The following GC variants were observed in gnomAD, a reference collection of about 807,000 sequenced individuals.
GC encodes the protein GC vitamin D binding protein, also known as vitamin D-binding protein.
A neutral mutation model predicts 56.7 loss-of-function variants in GC; 43 were observed. The observed-to-expected ratio is 0.76, with a 90% confidence interval of 0.59 to 0.98. GC has a LOEUF of 0.98. Among genes scored for constraint, GC ranks in the 50% least tolerant of loss-of-function variants. The probability of loss-of-function intolerance (pLI) is 0.00; values close to 1 mark genes in which losing one functional copy is unlikely to be tolerated. For missense variants in GC, 529 were observed against 545.9 expected (o/e 0.97, Z 0.31); for synonymous variants, 216 against 202.7 (o/e 1.07, Z -0.56).
chr4:71,797,611 A>G (rs1286509294), intron 1 of GC, among the ~76,000 whole-genome samples: 1 of 151,970 alleles, frequency 6.6e-6, no homozygotes, highest in East Asian at 1.9e-4. Context: ...AAATTCCCCG[A>G]CCCCTTGCAC....
rs540687112 is a variant in GC, at chr4:71,765,176, C to T, written c.473+256G>A. Among the ~76,000 whole-genome samples the T allele has an allele frequency of 3.3e-5, 5 of 152,198 alleles. No homozygotes were observed. The East Asian group carries it at 7.7e-4, about 23-fold the overall frequency. ...AATATTTGAAAATATATCATGTGGACAGGATACTCAAGTGATTCTGGTTCA... is the reference window on the plus strand; with the variant it reads ...AATATTTGAAAATATATCATGTGGATAGGATACTCAAGTGATTCTGGTTCA... On this transcript the variant is annotated intron_variant, in intron 4 of 12. Coordinates refer to ENST00000273951, the MANE Select transcript of GC (RefSeq NM_000583.4).
rs1270039028 is a variant in GC, at chr4:71,746,009, TCG to T, written c.*25+140_*25+141del. The T allele has an allele frequency of 7.5e-6, 4 of 531,558 alleles. No homozygotes were observed. In the East Asian group the frequency reaches 1.3e-4, roughly 17 times the overall value. 32.9% of individuals were successfully genotyped at this position (531,558 alleles called of 1,614,324 possible). A position where few individuals can be genotyped will look rare whatever the true frequency, so the allele number is the denominator to read the frequency against. The stretch of plus-strand genomic sequence containing the variant: ...ATAAGTGTAAGCTCTTTAACTTTTC[TCG>T]GTGCTTAATATTCTCATCTGTAAAA... On this transcript the variant is annotated intron_variant, in intron 12 of 12. Coordinates refer to ENST00000273951, the MANE Select transcript of GC (RefSeq NM_000583.4).
chr4:71,768,463 T>C, intron 2 of GC, 30 bp from the exon 3 acceptor site: 1 of 1,583,704 alleles, frequency 6.3e-7, no homozygotes, highest in Middle Eastern at 1.7e-4. Flanking sequence ...ATATATCAAT[T>C]AGAACTGAAA....
intron 1 of GC, among the ~76,000 whole-genome samples, chr4:71,782,709 T>C (rs1278746278): frequency 6.6e-6 from 1 of 151,792 alleles, no homozygotes; most frequent in Non-Finnish European, 1.5e-5. Context: ...ATAATTCCAA[T>C]TCCTAGCCAT....
intron 11 of GC, among the ~76,000 whole-genome samples, chr4:71,750,570 C>T (rs927576671): frequency 6.6e-6 from 1 of 152,082 alleles, no homozygotes; most frequent in Non-Finnish European, 1.5e-5. Flanking sequence ...CAGGTAAATT[C>T]TTAAATTATT....
chr4:71,767,139 G>A (rs1277861503), intron 3 of GC, among the ~76,000 whole-genome samples: 1 of 152,138 alleles, frequency 6.6e-6, no homozygotes, highest in Non-Finnish European at 1.5e-5. Flanking sequence ...TGAAAAAATA[G>A]ATAAGGGACA....
At chr4:71,781,690 C>G (rs1742686283) in intron 1 of GC, among the ~76,000 whole-genome samples, 1 of 151,776 alleles carries the variant, frequency 6.6e-6, no homozygotes, top group Non-Finnish European at 1.5e-5. Context: ...GAAGAAGCTA[C>G]TTGTAGGCAA....
intron 1 of GC, among the ~76,000 whole-genome samples, chr4:71,771,432 T>G (rs1324915579): frequency 1.3e-5 from 2 of 152,108 alleles, no homozygotes; most frequent in Non-Finnish European, 2.9e-5. Context: ...GCATGTACTT[T>G]TTTGGATGGA....
chr4:71,763,437 A>G lies in GC; in HGVS notation c.672T>C (p.Ala224=), dbSNP rs200065092. Residue 224 remains alanine (A), a synonymous_variant, in exon 6 of 13, where the codon GCT becomes GCC. Coordinates refer to ENST00000273951, the MANE Select transcript of GC (RefSeq NM_000583.4). Reference sequence around the variant, plus strand: ...GCCTTGATTTCTTCTCCCCATAAGCAGCATATTGTGAGCAGACTCTATTTG... The same window carrying G: ...GCCTTGATTTCTTCTCCCCATAAGCGGCATATTGTGAGCAGACTCTATTTG... ...TLSNRVCSQY[A]AYGEKKSRLS... is the part of the protein sequence containing the mutation. 4.4e-6 allele frequency: 7 copies of G among 1,602,230 alleles called. No individual in the cohort carries two copies. The highest frequency in any genetic ancestry group is 6.0e-6 in the Non-Finnish European group (7 of 1,169,508).
At chr4:71,743,013 C>T (rs1741237639) in intron 12 of GC, among the ~76,000 whole-genome samples, 1 of 152,038 alleles carries the variant, frequency 6.6e-6, no homozygotes, top group African/African-American at 2.4e-5. Flanking sequence ...GAGATTCTGT[C>T]TCCAAAAGTG....
chr4:71,759,385 C>A (rs1016220993), intron 6 of GC: 2 of 152,202 alleles, frequency 1.3e-5, no homozygotes, highest in African/African-American at 4.8e-5. Context: ...GATTGAACCA[C>A]TTTACATTCC....
Position 71,775,120 on chromosome 4 carries a change from G to A in GC, c.59-5720C>T, listed in dbSNP as rs187122600. 1.0e-3 allele frequency among the ~76,000 whole-genome samples: 155 copies of A among 150,730 alleles called. 3 individuals are homozygous for A. Among genetic ancestry groups the A allele is most frequent in the Middle Eastern group, 6.8e-3 (2 of 292 alleles). On this transcript the variant is annotated intron_variant, in intron 1 of 12. Coordinates refer to ENST00000273951, the MANE Select transcript of GC (RefSeq NM_000583.4). Reference sequence around the variant, plus strand: ...AGCAGATTGGTTGAAAGACTCAGGCGCTTTGGTCTTAGTAGTGACAGAGAC... The same window carrying A: ...AGCAGATTGGTTGAAAGACTCAGGCACTTTGGTCTTAGTAGTGACAGAGAC...
chr4:71,755,786 A>G (rs1741748711), intron 8 of GC, among the ~76,000 whole-genome samples: 1 of 152,202 alleles, frequency 6.6e-6, no homozygotes, highest in African/African-American at 2.4e-5. Context: ...TTTCTGTGAA[A>G]ATTGGTTTGT....
At chr4:71,801,256 A>G (rs556237891) in intron 1 of GC, among the ~76,000 whole-genome samples, 32 of 152,342 alleles carry the variant, frequency 2.1e-4, no homozygotes, top group Admixed American at 7.2e-4. Flanking sequence ...AAGAAATGCA[A>G]AGCAAAACCA....
rs1445589844 is a variant in GC, at chr4:71,763,793, A to G, written c.606+11T>C. On this transcript the variant is annotated intron_variant, in intron 5 of 12. Coordinates refer to ENST00000273951, the MANE Select transcript of GC (RefSeq NM_000583.4). ...AAAACGTAAACATATAATAAGTAAA[A>G]TGGGACATACCTCTTTCAAAAAGCA... is the stretch of plus-strand genomic sequence containing the variant. 2 of 1,598,702 alleles carry G rather than the reference A, an allele frequency of 1.3e-6. No individual in the cohort carries two copies. Among genetic ancestry groups the G allele is most frequent in the Admixed American group, 3.5e-5 (2 of 56,646 alleles).
At chr4:71,753,555 G>A (rs1741624379) in intron 10 of GC, among the ~76,000 whole-genome samples, 1 of 151,500 alleles carries the variant, frequency 6.6e-6, no homozygotes, top group Admixed American at 6.6e-5. Context: ...TAGGAAAAAT[G>A]ACATGGTCTT....
intron 1 of GC, among the ~76,000 whole-genome samples, chr4:71,800,844 T>A (rs1743229921): frequency 6.6e-6 from 1 of 152,208 alleles, no homozygotes; most frequent in South Asian, 2.1e-4. Flanking sequence ...ACTTTACACT[T>A]TCTATTTCAC....
chr4:71,800,305 C>T (rs758419006), intron 1 of GC, among the ~76,000 whole-genome samples: 32 of 152,062 alleles, frequency 2.1e-4, no homozygotes, highest in Non-Finnish European at 3.8e-4. Flanking sequence ...TTGTTCAGCT[C>T]CCACTTATGA....
chr4:71,781,431 A>G (rs1210649715), intron 1 of GC, among the ~76,000 whole-genome samples: 1 of 151,818 alleles, frequency 6.6e-6, no homozygotes, highest in Non-Finnish European at 1.5e-5. Context: ...AAAAGAAAAA[A>G]ATGCAAAAAA....
Sources: allele counts gnomAD v4.1 joint callset (sites outside exome capture counted in the v4.1 genomes callset), GRCh38; gene constraint gnomAD v4.1.1; transcripts MANE v1.5; gene names NCBI Gene and HGNC (gene_info 2026-07-23, HGNC 2026-07-21).